The following HIBCH variants were observed in gnomAD, a reference collection of about 807,000 sequenced individuals.
HIBCH encodes 3-hydroxyisobutyryl-CoA hydrolase, also known as 3-hydroxyisobutyryl-CoA hydrolase, mitochondrial.
Under a neutral mutation model 58.2 loss-of-function variants are expected in HIBCH, and 50 were observed. The ratio of observed to expected loss-of-function variants is 0.86; its 90% CI spans 0.68 to 1.09. The LOEUF (loss-of-function observed/expected upper bound fraction) is 1.09, where lower values mean the gene tolerates loss of function less well. HIBCH is among the 50% of genes least tolerant of loss of function. The pLI, the probability that HIBCH is intolerant of heterozygous loss-of-function variation, is 0.00. For missense variants in HIBCH, 450 were observed against 449.7 expected, an observed-to-expected ratio of 1.00 and a Z score of -0.01; for synonymous variants, 151 against 146.9, an observed-to-expected ratio of 1.03 and a Z score of -0.20.
intron 1 of HIBCH, among the ~76,000 whole-genome samples, chr2:190,191,468 C>A (rs911337192): frequency 2.0e-5 from 3 of 152,134 alleles, no homozygotes; most frequent in African/African-American, 7.2e-5. Context: ...TTTATGTGAA[C>A]ACAAATTTTC....
intron 1 of HIBCH, among the ~76,000 whole-genome samples, chr2:190,198,416 A>C (rs1275488194): frequency 2.0e-5 from 3 of 152,086 alleles, no homozygotes; most frequent in Non-Finnish European, 2.9e-5. Flanking sequence ...TGAGGTGGGC[A>C]GATCACTTGA....
chr2:190,292,976 TC>T lies in HIBCH; in HGVS notation c.304+1569del, dbSNP rs201862787. 1.9e-3 allele frequency among the ~76,000 whole-genome samples: 282 copies of T among 152,358 alleles called. 11 individuals carry two copies. The East Asian group carries it at 0.051, about 28-fold the overall frequency. ...CTATAATCTTTCAAGAAATTACATT[TC>T]CTGGACTTGAATCCACTGCTTTATA... is the stretch of plus-strand genomic sequence containing the variant. On this transcript the variant is annotated intron_variant, in intron 4 of 13. Transcript: ENST00000359678.
downstream of HIBCH, chr2:190,202,362 A>G (rs1690271659): frequency 6.0e-6 from 1 of 167,062 alleles, no homozygotes; most frequent in Non-Finnish European, 1.5e-5. Context: ...TATATGAACT[A>G]CAAGGCTTGC....
chr2:190,283,916 C>T (rs1310744861), intron 6 of HIBCH, among the ~76,000 whole-genome samples: 1 of 152,176 alleles, frequency 6.6e-6, no homozygotes, highest in East Asian at 1.9e-4. Context: ...TAATTTATTA[C>T]ATTCAAGGGA....
intron 2 of HIBCH, among the ~76,000 whole-genome samples, chr2:190,305,088 T>C (rs925636625): frequency 2.0e-5 from 3 of 152,152 alleles, no homozygotes; most frequent in African/African-American, 7.2e-5. Flanking sequence ...AGCATTAGTA[T>C]GTGAGGCAAA....
intron 2 of HIBCH, among the ~76,000 whole-genome samples, chr2:190,308,350 C>G (rs1209931165): frequency 6.6e-6 from 1 of 152,080 alleles, no homozygotes; most frequent in African/African-American, 2.4e-5. Flanking sequence ...TGCTATGGTT[C>G]GAGTATTTGC....
At chr2:190,199,892 C>G, downstream of HIBCH, 2 of 1,613,888 alleles carry the variant, frequency 1.2e-6, no homozygotes, top group Non-Finnish European at 1.7e-6. Context: ...CAAACTTTCC[C>G]ATTTCCTACC....
chr2:190,309,705 G>A (rs1226779963), intron 2 of HIBCH, among the ~76,000 whole-genome samples: 1 of 151,842 alleles, frequency 6.6e-6, no homozygotes, highest in African/African-American at 2.4e-5. Flanking sequence ...GCAGGTGCCC[G>A]CCACCATGTC....
At chr2:190,202,070 G>C (rs1690261150), downstream of HIBCH, 1 of 167,122 alleles carries the variant, frequency 6.0e-6, no homozygotes, top group Admixed American at 6.5e-5. Flanking sequence ...GGACAGACAA[G>C]TGAGTTTTGG....
chr2:190,277,028 G>C lies in HIBCH; in HGVS notation c.438+10558C>G, dbSNP rs143883170. 6.8e-3 allele frequency among the ~76,000 whole-genome samples: 1,027 copies of C among 151,840 alleles called. 13 individuals are homozygous for C. The highest frequency in any genetic ancestry group is 0.023 in the African/African-American group (933 of 41,406). On this transcript the variant is annotated intron_variant, in intron 6 of 13. Coordinates refer to ENST00000359678, the MANE Select transcript of HIBCH (RefSeq NM_014362.4). ...TCCATTTTTCCACAAACTTTTTGACGTCCCCTCATATTAACTTAAGAAAAT... is the reference window on the plus strand; with the variant it reads ...TCCATTTTTCCACAAACTTTTTGACCTCCCCTCATATTAACTTAAGAAAAT...
intron 4 of HIBCH, among the ~76,000 whole-genome samples, chr2:190,292,617 C>T (rs1687987763): frequency 6.6e-6 from 1 of 152,190 alleles, no homozygotes; most frequent in Non-Finnish European, 1.5e-5. Context: ...AGTCCTTTTA[C>T]TGGTTTTTAA....
At chr2:190,219,871 C>T (rs1037840651) in intron 11 of HIBCH, among the ~76,000 whole-genome samples, 2 of 152,120 alleles carry the variant, frequency 1.3e-5, no homozygotes, top group African/African-American at 4.8e-5. Context: ...TTTGGATGGA[C>T]AGAGGACATT....
chr2:190,226,558 G>A (rs557273675), intron 11 of HIBCH, among the ~76,000 whole-genome samples: 7 of 131,872 alleles, frequency 5.3e-5, no homozygotes, highest in South Asian at 4.9e-4. Flanking sequence ...TTGTGCCACC[G>A]CACTCCAGCC....
chr2:190,314,531 C>T (rs944722810), intron 1 of HIBCH, among the ~76,000 whole-genome samples: 25 of 151,910 alleles, frequency 1.6e-4, no homozygotes, highest in African/African-American at 5.6e-4. Context: ...CAGGCTGCAG[C>T]GCAGTGGCAC....
chr2:190,250,658 C>T (rs1319384649), intron 8 of HIBCH: 2 of 178,560 alleles, frequency 1.1e-5, no homozygotes, highest in Non-Finnish European at 2.4e-5. Context: ...CATGAGACTA[C>T]TCAATGTGAC....
chr2:190,239,449 G>A (rs926102147), intron 11 of HIBCH, among the ~76,000 whole-genome samples: 1 of 152,094 alleles, frequency 6.6e-6, no homozygotes, highest in African/African-American at 2.4e-5. Flanking sequence ...GAGTACACGG[G>A]CTCTATTTTG....
At chr2:190,308,091 C>A (rs1207522042) in intron 2 of HIBCH, among the ~76,000 whole-genome samples, 1 of 152,176 alleles carries the variant, frequency 6.6e-6, no homozygotes, top group African/African-American at 2.4e-5. Flanking sequence ...CTTCTCTACC[C>A]CTGAGGCACT....
intron 1 of HIBCH, among the ~76,000 whole-genome samples, chr2:190,190,730 A>C (rs980312874): frequency 3.3e-5 from 5 of 152,198 alleles, no homozygotes; most frequent in Non-Finnish European, 5.9e-5. Flanking sequence ...AAATTTTAGC[A>C]ATCTTAGTGT....
intron 2 of HIBCH, among the ~76,000 whole-genome samples, chr2:190,299,702 G>A (rs1163266088): frequency 6.6e-6 from 1 of 152,082 alleles, no homozygotes; most frequent in Non-Finnish European, 1.5e-5. Flanking sequence ...TTTAGGTTCA[G>A]GGTACATGCG....
Sources: gnomAD v4.1 joint callset for allele counts (sites outside exome capture counted in the v4.1 genomes callset) on GRCh38, gnomAD v4.1.1 for gene constraint, MANE v1.5 for transcripts, NCBI Gene and HGNC (gene_info 2026-07-23, HGNC 2026-07-21) for gene names.